The following RUNX1T1 variants were observed in gnomAD, a reference collection of about 807,000 sequenced individuals.
RUNX1T1 encodes RUNX1 partner transcriptional co-repressor 1, also known as protein CBFA2T1.
RUNX1T1 carries 4 observed loss-of-function variants against 62.8 expected under a neutral mutation model. The observed-to-expected ratio is 0.06, with a 90% confidence interval of 0.03 to 0.15. RUNX1T1 has a LOEUF of 0.15. Ranked by LOEUF, RUNX1T1 falls within the 10% of genes least tolerant of loss-of-function variation. The pLI is 1.00. For missense variants in RUNX1T1, 508 were observed against 754.3 expected (o/e 0.67, Z 3.82); for synonymous variants, 291 against 286.0 (o/e 1.02, Z -0.18).
At chr8:92,094,309 G>C (rs538718861) in intron 1 of RUNX1T1, among the ~76,000 whole-genome samples, 4 of 152,242 alleles carry the variant, frequency 2.6e-5, no homozygotes, top group South Asian at 2.1e-4. Flanking sequence ...TGTGTAGAAG[G>C]CAAAACAACC....
chr8:92,042,939 T>C (rs1200541655), intron 1 of RUNX1T1, among the ~76,000 whole-genome samples: 1 of 152,168 alleles, frequency 6.6e-6, no homozygotes, highest in Non-Finnish European at 1.5e-5. Context: ...AAAAAAGACT[T>C]GAAAAAACAA....
intron 2 of RUNX1T1, 38 bp downstream of exon 2, chr8:92,075,927 A>C (rs755682622): frequency 1.9e-6 from 3 of 1,562,038 alleles, no homozygotes; most frequent in African/African-American, 2.8e-5. Flanking sequence ...CTGGTACGTA[A>C]GTAAATTGCA....
At chr8:92,059,801 T>C (rs139075902) in intron 1 of RUNX1T1, among the ~76,000 whole-genome samples, 21 of 152,272 alleles carry the variant, frequency 1.4e-4, no homozygotes, top group Non-Finnish European at 2.1e-4. Context: ...AAAACCAGAT[T>C]TTGAAAACAA....
At chr8:92,042,300 T>C (rs1461397912) in intron 1 of RUNX1T1, among the ~76,000 whole-genome samples, 1 of 152,094 alleles carries the variant, frequency 6.6e-6, no homozygotes, top group African/African-American at 2.4e-5. Context: ...CTTCTTAAAC[T>C]GGGCAAATTA....
chr8:91,988,420 A>G (rs1240996165), intron 6 of RUNX1T1, among the ~76,000 whole-genome samples: 1 of 152,158 alleles, frequency 6.6e-6, no homozygotes, highest in African/African-American at 2.4e-5. Flanking sequence ...ATTGGGAAAG[A>G]ATAGTATTTA....
At chr8:91,971,006 C>G (rs1437531989) in intron 9 of RUNX1T1, 158 bp from the exon 11 acceptor site, 1 of 516,310 alleles carries the variant, frequency 1.9e-6, no homozygotes, top group African/African-American at 2.0e-5. Context: ...CCCCTAGCAG[C>G]TGGAATTACA....
At chr8:92,096,809 T>C (rs910325163) in intron 1 of RUNX1T1, among the ~76,000 whole-genome samples, 28 of 151,054 alleles carry the variant, frequency 1.9e-4, no homozygotes, top group African/African-American at 6.6e-4. Context: ...GGCTAGTGAG[T>C]AGAAAAAAAA....
chr8:91,973,053 G>A (rs571087264), intron 9 of RUNX1T1, among the ~76,000 whole-genome samples: 1 of 152,028 alleles, frequency 6.6e-6, no homozygotes, highest in Admixed American at 6.5e-5. Context: ...ATTATATTGT[G>A]TTATTGGGGG....
At chr8:92,102,488 T>G (rs964174728), upstream of RUNX1T1, among the ~76,000 whole-genome samples, 10 of 151,294 alleles carry the variant, frequency 6.6e-5, no homozygotes, top group African/African-American at 1.5e-4. The surrounding 1 kb of genome is among the most constrained non-coding windows in gnomAD (Gnocchi z 4.5). Flanking sequence ...ACCTGCCAAA[T>G]GCACTGTGGG....
At chr8:92,027,255 G>T (rs1250244754) in intron 1 of RUNX1T1, among the ~76,000 whole-genome samples, 1 of 152,080 alleles carries the variant, frequency 6.6e-6, no homozygotes, top group Non-Finnish European at 1.5e-5. Context: ...CACACTAGCT[G>T]CATACTCAAA....
chr8:91,960,044 C>G, exon 11 of RUNX1T1: 1 of 604,588 alleles, frequency 1.7e-6, no homozygotes, highest in East Asian at 2.8e-5. Context: ...CACAATAAGT[C>G]ATTACGACCC....
intron 1 of RUNX1T1, among the ~76,000 whole-genome samples, chr8:92,090,379 C>T (rs1196507520): frequency 6.6e-6 from 1 of 151,998 alleles, no homozygotes; most frequent in African/African-American, 2.4e-5. Context: ...ACGAAAGGAA[C>T]AAGACTCAAG....
At chr8:92,094,514 T>C (rs1837500982) in intron 1 of RUNX1T1, among the ~76,000 whole-genome samples, 1 of 152,214 alleles carries the variant, frequency 6.6e-6, no homozygotes, top group Admixed American at 6.5e-5. Flanking sequence ...TAGGCTGAGT[T>C]GAGCCATACT....
exon 5 of RUNX1T1, chr8:92,005,117 T>C: frequency 6.2e-7 from 1 of 1,606,538 alleles, no homozygotes; most frequent in Admixed American, 1.7e-5. Flanking sequence ...CCCTCTCACC[T>C]GTCTGGAGTT....
chr8:92,071,549 G>A (rs1833674411), intron 2 of RUNX1T1, among the ~76,000 whole-genome samples: 1 of 151,724 alleles, frequency 6.6e-6, no homozygotes, highest in Non-Finnish European at 1.5e-5. Flanking sequence ...CAAGGGGAGA[G>A]CAGGGGACAC....
chr8:92,029,526 A>T (rs1825852208), intron 1 of RUNX1T1, among the ~76,000 whole-genome samples: 1 of 152,194 alleles, frequency 6.6e-6, no homozygotes. Flanking sequence ...CAATGCCAAA[A>T]CCCAGCTGGA....
intron 5 of RUNX1T1, among the ~76,000 whole-genome samples, chr8:91,997,111 A>G (rs1238290250): frequency 6.6e-6 from 1 of 152,174 alleles, no homozygotes; most frequent in Non-Finnish European, 1.5e-5. Context: ...TAGGTGACAG[A>G]GCGAGACTCC....
intron 1 of RUNX1T1, among the ~76,000 whole-genome samples, chr8:92,041,104 T>C (rs914661609): frequency 6.6e-6 from 1 of 152,210 alleles, no homozygotes; most frequent in African/African-American, 2.4e-5. Context: ...ACTCATTTAA[T>C]TTTCACTATA....
At chr8:91,959,303 T>C (rs577546642) in exon 11 of RUNX1T1, 1 of 223,968 alleles carries the variant, frequency 4.5e-6, no homozygotes, top group Admixed American at 5.7e-5. Flanking sequence ...CCCAATGTCT[T>C]ACTCTGTGGA....
Sources: gnomAD v4.1 joint callset for allele counts (sites outside exome capture counted in the v4.1 genomes callset) on GRCh38, gnomAD v4.1.1 for gene constraint, Gnocchi (gnomAD v3.1) non-coding constraint, MANE v1.5 for transcripts, NCBI Gene and HGNC (gene_info 2026-07-23, HGNC 2026-07-21) for gene names.